The following TVP23A variants were observed in gnomAD, a reference collection of about 807,000 sequenced individuals.
TVP23A encodes the protein trans-golgi network vesicle protein 23 homolog A, also known as Golgi apparatus membrane protein TVP23 homolog A.
In TVP23A, 21 loss-of-function variants were observed where a neutral mutation model predicts 31.7. That is an observed-to-expected ratio of 0.66 (90% CI 0.47 to 0.95). The LOEUF (loss-of-function observed/expected upper bound fraction) is 0.95. TVP23A is among the 40% of genes least tolerant of loss of function. The probability of loss-of-function intolerance (pLI) is 0.00; values close to 1 mark genes in which losing one functional copy is unlikely to be tolerated. For missense variants in TVP23A, 279 were observed against 255.6 expected (o/e 1.09, Z -0.62); for synonymous variants, 104 against 96.0 (o/e 1.08, Z -0.49).
intron 2 of TVP23A, 150 bp from the exon 3 acceptor site, chr16:10,775,246 GC>G: frequency 6.9e-7 from 1 of 1,450,666 alleles, no homozygotes; most frequent in Non-Finnish European, 9.1e-7. Context: ...TCAGGCTGTA[GC>G]CCTGGGGACA....
intron 2 of TVP23A, among the ~76,000 whole-genome samples, chr16:10,810,922 T>C (rs989037531): frequency 6.6e-5 from 10 of 152,198 alleles, no homozygotes; most frequent in Non-Finnish European, 1.3e-4. Context: ...GTCTCCAAAA[T>C]TGCATGAATG....
chr16:10,802,725 C>T (rs747739427), intron 2 of TVP23A, among the ~76,000 whole-genome samples: 7 of 152,138 alleles, frequency 4.6e-5, no homozygotes, highest in Non-Finnish European at 8.8e-5. Flanking sequence ...TCCAATTCAA[C>T]GTATCTTGCT....
At chr16:10,796,204 G>C (rs992939344) in intron 2 of TVP23A, among the ~76,000 whole-genome samples, 23 of 151,750 alleles carry the variant, frequency 1.5e-4, no homozygotes, top group African/African-American at 5.6e-4. Flanking sequence ...AATATAAAAA[G>C]TAGCCAGGCG....
At chr16:10,774,606 C>CTCTCTT (rs560467871) in intron 3 of TVP23A, among the ~76,000 whole-genome samples, 10 of 130,230 alleles carry the variant, frequency 7.7e-5, no homozygotes, top group African/African-American at 2.6e-4. Flanking sequence ...CATTCTCTCT[C>CTCTCTT]TTTTTTTTTT....
At chr16:10,782,739 A>G (rs988999837) in intron 2 of TVP23A, among the ~76,000 whole-genome samples, 1 of 152,100 alleles carries the variant, frequency 6.6e-6, no homozygotes, top group African/African-American at 2.4e-5. Context: ...CCTGGGCTCA[A>G]GCTGTCCTCC....
intron 2 of TVP23A, among the ~76,000 whole-genome samples, chr16:10,785,396 T>C (rs1249566626): frequency 1.3e-5 from 2 of 150,548 alleles, no homozygotes; most frequent in Non-Finnish European, 2.9e-5. Context: ...AGAGCAAGAC[T>C]CCATCTCAAA....
At chr16:10,807,179 A>G (rs537291703) in intron 2 of TVP23A, among the ~76,000 whole-genome samples, 3 of 152,314 alleles carry the variant, frequency 2.0e-5, no homozygotes, top group African/African-American at 4.8e-5. Flanking sequence ...GAAAATCAAC[A>G]AAGAAAAACT....
At chr16:10,811,754 G>A (rs2143005163) in intron 2 of TVP23A, among the ~76,000 whole-genome samples, 1 of 151,604 alleles carries the variant, frequency 6.6e-6, no homozygotes, top group African/African-American at 2.4e-5. Context: ...AATACAAAAA[G>A]TTAGCCGGGC....
intron 7 of TVP23A, among the ~76,000 whole-genome samples, chr16:10,769,814 A>G (rs1452457353): frequency 6.6e-6 from 1 of 152,170 alleles, no homozygotes; most frequent in East Asian, 1.9e-4. Flanking sequence ...GACAGATGTA[A>G]ACTCTACGAT....
chr16:10,757,842 G>A (rs1900661591), downstream of TVP23A: 2 of 1,599,552 alleles, frequency 1.3e-6, no homozygotes, highest in African/African-American at 1.3e-5. This position sits in a 1 kb window ranked among gnomAD's most constrained non-coding sequence, Gnocchi z 4.1. Flanking sequence ...GAAAGGAAAA[G>A]TAAGCATCCC....
chr16:10,770,565 TA>T (rs150195896), intron 6 of TVP23A, among the ~76,000 whole-genome samples: 44,356 of 141,872 alleles, frequency 0.31, 7,417 homozygotes, highest in African/African-American at 0.47. Flanking sequence ...TCTATTAAGT[TA>T]AAAAAAAAAA....
chr16:10,761,225 G>C (rs1351112071), downstream of TVP23A: 2 of 691,818 alleles, frequency 2.9e-6, no homozygotes, highest in Admixed American at 5.2e-5. Context: ...TGGGGACACA[G>C]AGCCAAACCC....
chr16:10,770,868 C>CAAAAAAA lies in TVP23A; in HGVS notation c.583-544_583-538dup, dbSNP rs376701429. ...TGGGAGCAGAGTGAGACTCCCATCT[C>CAAAAAAA]AAAAAAAAAAAAAAAAAAAAAAAAA... On this transcript the variant is annotated intron_variant, in intron 6 of 7. Transcript: ENST00000299866. Among the ~76,000 whole-genome samples the CAAAAAAA allele has an allele frequency of 1.7e-3, 116 of 66,448 alleles. 6 individuals carry two copies. The highest frequency in any genetic ancestry group is 4.2e-3 in the African/African-American group (80 of 19,008). The allele number at this position is 66,448 out of a possible 152,430, so 43.6% of individuals were successfully genotyped here.
At chr16:10,778,053 A>G (rs2032177278) in intron 2 of TVP23A, among the ~76,000 whole-genome samples, 4 of 151,452 alleles carry the variant, frequency 2.6e-5, no homozygotes, top group Admixed American at 2.0e-4. Flanking sequence ...AGACAGGATC[A>G]CCAGGTGTGG....
rs1469320656 is a variant in TVP23A, at chr16:10,816,868, T to G, written c.89+1235A>C. ...TGCACATGTACCCTAAAACTTAAAG[T>G]ACAATAATAATAAAAAATAAATAAA... On this transcript the variant is annotated intron_variant, in intron 2 of 7. Transcript: ENST00000299866. Among the ~76,000 whole-genome samples, 6 of 146,560 alleles carry G rather than the reference T, an allele frequency of 4.1e-5. No individual in the cohort carries two copies. In the East Asian group the frequency reaches 9.9e-4, roughly 24 times the overall value.
Position 10,767,908 on chromosome 16 carries a change from C to G in TVP23A, c.*1194G>C. The G allele has an allele frequency of 3.8e-6, 6 of 1,585,078 alleles. No homozygotes were observed. The highest frequency in any genetic ancestry group is 4.3e-6 in the Non-Finnish European group (5 of 1,153,906). ...CAAGATCTTGTGGCCATTCTGTTTT[C>G]CTCTTGGACTGAATTGTCTTCCGTT... On this transcript the variant is annotated 3_prime_UTR_variant, in exon 8 of 8. Coordinates refer to ENST00000299866, the MANE Select transcript of TVP23A (RefSeq NM_001079512.4). The surrounding 1 kb of genome is among the most constrained non-coding windows in gnomAD (Gnocchi z 4.6).
chr16:10,817,016 G>A (rs1031221845), intron 2 of TVP23A, among the ~76,000 whole-genome samples: 13 of 151,614 alleles, frequency 8.6e-5, no homozygotes, highest in Non-Finnish European at 1.9e-4. Context: ...CACTGGCCTT[G>A]AAGACGGAGG....
chr16:10,767,057 G>C lies in TVP23A; in HGVS notation c.*2045C>G, dbSNP rs2030987950. The C allele has an allele frequency of 1.0e-5, 4 of 398,734 alleles. No individual in the cohort carries two copies. The highest frequency in any genetic ancestry group is 1.8e-5 in the Non-Finnish European group (4 of 226,130). The allele number at this position is 398,734 out of a possible 1,614,324, so 24.7% of individuals were successfully genotyped here. On this transcript the variant is annotated 3_prime_UTR_variant, in exon 8 of 8. Coordinates refer to ENST00000299866, the MANE Select transcript of TVP23A (RefSeq NM_001079512.4). The surrounding 1 kb of genome is among the most constrained non-coding windows in gnomAD (Gnocchi z 4.6). ...GACACAGTAGTGAAGTTGAGGAAAT[G>C]ATGAGTGCTAGGTAGGAACCCCTCC...
rs2033513993 is a variant in TVP23A, at chr16:10,798,261, T to C, written c.89+19842A>G. Among the ~76,000 whole-genome samples, 5 of 152,154 alleles carry C rather than the reference T, an allele frequency of 3.3e-5. No homozygotes were observed. In the South Asian group the frequency reaches 1.0e-3, roughly 32 times the overall value. On this transcript the variant is annotated intron_variant, in intron 2 of 7. Transcript: ENST00000299866. ...GGTGTGCGCCCGCGCCCGGCCTTTT[T>C]TTTCTTTTTTTAAGTAATCAGGGAA... is the stretch of plus-strand genomic sequence containing the variant.
Sources: gnomAD v4.1 joint callset for allele counts (sites outside exome capture counted in the v4.1 genomes callset) on GRCh38, gnomAD v4.1.1 for gene constraint, Gnocchi (gnomAD v3.1) non-coding constraint, MANE v1.5 for transcripts, NCBI Gene and HGNC (gene_info 2026-07-23, HGNC 2026-07-21) for gene names.